DCT: variants seen among roughly 807,000 people sequenced by gnomAD.
DCT encodes dopachrome tautomerase, also known as L-dopachrome tautomerase.
DCT carries 47 observed loss-of-function variants against 53.0 expected under a neutral mutation model. The ratio of observed to expected loss-of-function variants is 0.89; its 90% CI spans 0.70 to 1.13. The LOEUF (loss-of-function observed/expected upper bound fraction) is 1.13, where lower values mean the gene tolerates loss of function less well. Among genes scored for constraint, DCT ranks in the 50% most tolerant of loss-of-function variants. The probability of loss-of-function intolerance (pLI) is 0.00; values close to 1 mark genes in which losing one functional copy is unlikely to be tolerated. For synonymous variants in DCT, 244 were observed against 237.0 expected (o/e 1.03, Z -0.27); for missense variants, 669 against 637.4 (o/e 1.05, Z -0.53).
intron 6 of DCT, among the ~76,000 whole-genome samples, chr13:94,448,987 G>C (rs941875742): frequency 6.6e-6 from 1 of 151,566 alleles, no homozygotes; most frequent in African/African-American, 2.4e-5. Flanking sequence ...CTACGTTTTG[G>C]TATTAGAAAC....
chr13:94,513,910 C>A, the DCT span, among the ~76,000 whole-genome samples: 1 of 142,668 alleles, frequency 7.0e-6, no homozygotes, highest in Non-Finnish European at 1.5e-5. Context: ...TCACTTAAAC[C>A]CAGGAGGCAG....
the DCT span, among the ~76,000 whole-genome samples, chr13:94,546,913 T>G: frequency 4.6e-5 from 7 of 152,002 alleles, no homozygotes; most frequent in Admixed American, 4.6e-4. The surrounding 1 kb of genome is among the most constrained non-coding windows in gnomAD (Gnocchi z 4.2). Flanking sequence ...GTAAACACAC[T>G]GTGCATGCTT....
the DCT span, among the ~76,000 whole-genome samples, chr13:94,537,039 A>T: frequency 6.6e-6 from 1 of 152,146 alleles, no homozygotes; most frequent in Non-Finnish European, 1.5e-5. Flanking sequence ...GAACCAAATA[A>T]ATCTATTTTC....
chr13:94,442,201 T>G (rs1213912270), intron 7 of DCT, among the ~76,000 whole-genome samples: 1 of 152,238 alleles, frequency 6.6e-6, no homozygotes, highest in South Asian at 2.1e-4. Context: ...AGAGAGAGAC[T>G]GAGCTCTGAA....
At chr13:94,520,569 T>C in the DCT span, among the ~76,000 whole-genome samples, 1 of 152,188 alleles carries the variant, frequency 6.6e-6, no homozygotes. Flanking sequence ...ACAAAACATG[T>C]GAGCCCCAAA....
At chr13:94,510,309 C>G in the DCT span, among the ~76,000 whole-genome samples, 6 of 152,156 alleles carry the variant, frequency 3.9e-5, no homozygotes, top group Non-Finnish European at 4.4e-5. Flanking sequence ...AAACCACCCT[C>G]CTACCACCAA....
upstream of DCT, among the ~76,000 whole-genome samples, chr13:94,482,442 G>A (rs1394525564): frequency 6.6e-6 from 1 of 152,156 alleles, no homozygotes; most frequent in African/African-American, 2.4e-5. Flanking sequence ...TTCTCAGAGA[G>A]GCCTTCCATG....
At chr13:94,472,521 CATATATATATATATATATAT>C (rs1555334365) in intron 1 of DCT, among the ~76,000 whole-genome samples, 404 of 25,230 alleles carry the variant, frequency 0.016, 9 homozygotes, top group African/African-American at 0.05. Flanking sequence ...TACATACATA[CATATATATATATATATATAT>C]ATATATATAT....
At chr13:94,512,612 G>A in the DCT span, among the ~76,000 whole-genome samples, 1 of 152,138 alleles carries the variant, frequency 6.6e-6, no homozygotes, top group Non-Finnish European at 1.5e-5. Flanking sequence ...CATTGACTCA[G>A]TATGGAATGT....
At chr13:94,501,875 A>G in the DCT span, among the ~76,000 whole-genome samples, 3 of 152,296 alleles carry the variant, frequency 2.0e-5, no homozygotes, top group South Asian at 6.2e-4. Flanking sequence ...CTCATGTTTC[A>G]GCTTAAGGAA....
intron 1 of DCT, among the ~76,000 whole-genome samples, chr13:94,473,264 T>C (rs1338004071): frequency 6.6e-6 from 1 of 152,174 alleles, no homozygotes. Context: ...TTCAGTACAG[T>C]ATTTAGTAAA....
At chr13:94,518,730 G>A in the DCT span, among the ~76,000 whole-genome samples, 1 of 152,140 alleles carries the variant, frequency 6.6e-6, no homozygotes, top group African/African-American at 2.4e-5. Flanking sequence ...CAGAGTTATT[G>A]TTTAAAATAC....
At chr13:94,486,009 A>G in the DCT span, among the ~76,000 whole-genome samples, 1 of 152,186 alleles carries the variant, frequency 6.6e-6, no homozygotes, top group Non-Finnish European at 1.5e-5. Flanking sequence ...GCTAAGGGTG[A>G]GTATGTAATG....
At chr13:94,539,220 G>A in the DCT span, among the ~76,000 whole-genome samples, 1 of 152,224 alleles carries the variant, frequency 6.6e-6, no homozygotes, top group Admixed American at 6.5e-5. Flanking sequence ...GTTGGGACAG[G>A]ATCACATGCC....
At chr13:94,440,572 A>G (rs943323523) in intron 7 of DCT, among the ~76,000 whole-genome samples, 2 of 151,946 alleles carry the variant, frequency 1.3e-5, no homozygotes, top group African/African-American at 4.8e-5. Flanking sequence ...ACCCATTCAA[A>G]TAGTTGTGAA....
chr13:94,477,773 T>A (rs994300854), intron 1 of DCT, among the ~76,000 whole-genome samples: 3 of 152,210 alleles, frequency 2.0e-5, no homozygotes, highest in African/African-American at 7.2e-5. Flanking sequence ...CCTCCTATGT[T>A]CCAGCATCCT....
At chr13:94,453,263 A>C (rs1298597876) in intron 6 of DCT, among the ~76,000 whole-genome samples, 1 of 152,150 alleles carries the variant, frequency 6.6e-6, no homozygotes, top group Non-Finnish European at 1.5e-5. Flanking sequence ...GGGTCCTGGA[A>C]CTAATTCCCT....
At chr13:94,535,828 G>A in the DCT span, among the ~76,000 whole-genome samples, 461 of 152,258 alleles carry the variant, frequency 3.0e-3, 2 homozygotes, top group African/African-American at 0.011. Flanking sequence ...AGATTGGTAG[G>A]GCACAGTGAA....
At chr13:94,488,723 TACACACACACACACACACACAC>T in the DCT span, among the ~76,000 whole-genome samples, 14 of 139,236 alleles carry the variant, frequency 1.0e-4, no homozygotes, top group South Asian at 2.4e-4. Context: ...GTCTAATATA[TACACACACACACACACACACAC>T]ACACACACAC....
Sources: gnomAD v4.1 joint callset for allele counts (sites outside exome capture counted in the v4.1 genomes callset) on GRCh38, gnomAD v4.1.1 for gene constraint, Gnocchi (gnomAD v3.1) non-coding constraint, MANE v1.5 for transcripts, NCBI Gene and HGNC (gene_info 2026-07-23, HGNC 2026-07-21) for gene names.